Variants in MYH7B observed in about 807,000 individuals in gnomAD.
MYH7B encodes the protein myosin heavy chain 7B.
In MYH7B, 205 loss-of-function variants were observed where a neutral mutation model predicts 234.5. The ratio of observed to expected loss-of-function variants is 0.87; its 90% CI spans 0.78 to 0.98. The LOEUF (loss-of-function observed/expected upper bound fraction) is 0.98. Ranked by LOEUF, MYH7B falls within the 50% of genes least tolerant of loss-of-function variation. The probability of loss-of-function intolerance (pLI) is 0.00; values close to 1 mark genes in which losing one functional copy is unlikely to be tolerated. For synonymous variants in MYH7B, 1,193 were observed against 1,105.0 expected, an observed-to-expected ratio of 1.08 and a Z score of -1.58; for missense variants, 2,652 against 2,633.4, an observed-to-expected ratio of 1.01 and a Z score of -0.15.
intron 2 of MYH7B, among the ~76,000 whole-genome samples, chr20:34,964,544 C>T (rs375686534): frequency 6.6e-6 from 1 of 152,158 alleles, no homozygotes; most frequent in African/African-American, 2.4e-5. Context: ...TCTCTCTACC[C>T]AGGGAGAGGC....
rs771694952 is a variant in MYH7B, at chr20:34,977,991, C to T, written c.-15C>T. On this transcript the variant is annotated 5_prime_UTR_variant, in exon 5 of 45. Transcript: ENST00000262873. ...GGGTTTCCAGCTCCTCCTCCTTCAC[C>T]CCAGTGCCACTGCCATGATGGATGT... is the stretch of plus-strand genomic sequence containing the variant. The T allele has an allele frequency of 1.5e-4, 245 of 1,614,102 alleles. 1 individual carries two copies. In the Middle Eastern group the frequency reaches 3.0e-3, roughly 20 times the overall value.
exon 45 of MYH7B, chr20:35,002,264 C>T (rs1166476760): frequency 2.7e-6 from 4 of 1,468,576 alleles, no homozygotes; most frequent in Non-Finnish European, 3.6e-6. Context: ...CCCGATCCTG[C>T]CATCTCTGCA....
At chr20:34,996,240 C>T in intron 28 of MYH7B, 106 bp from the exon 29 acceptor site, 1 of 1,325,432 alleles carries the variant, frequency 7.5e-7, no homozygotes, top group Non-Finnish European at 1.0e-6. Flanking sequence ...AGTGACTTGC[C>T]TGAGTCCCAT....
At chr20:34,964,049 T>G (rs558292293) in intron 2 of MYH7B, among the ~76,000 whole-genome samples, 129 of 152,324 alleles carry the variant, frequency 8.5e-4, no homozygotes, top group African/African-American at 3.1e-3. Flanking sequence ...CTCTAGTATT[T>G]TATTACTATA....
exon 32 of MYH7B, chr20:34,997,574 G>A: frequency 6.2e-7 from 1 of 1,613,438 alleles, no homozygotes; most frequent in South Asian, 1.1e-5. Context: ...TGGAGAAGGA[G>A]AAGAGTGAGC....
At position 34,983,021 on chromosome 20, in the gene MYH7B, A is replaced by G. The variant is rs112445158; in HGVS notation, c.624+466A>G. On this transcript the variant is annotated intron_variant, in intron 10 of 44. Transcript: ENST00000262873. Reference sequence around the variant, plus strand: ...ATTTTGTGCCTTGTGATTTCTGTACAGTTTTTGGAAATTTCTGAAACAATG... The same window carrying G: ...ATTTTGTGCCTTGTGATTTCTGTACGGTTTTTGGAAATTTCTGAAACAATG... Among the ~76,000 whole-genome samples the G allele has an allele frequency of 5.0e-3, 755 of 152,166 alleles. 10 individuals carry two copies. Among genetic ancestry groups the G allele is most frequent in the African/African-American group, 0.018 (730 of 41,532 alleles).
intron 2 of MYH7B, among the ~76,000 whole-genome samples, chr20:34,973,170 C>T (rs2081808449): frequency 6.6e-6 from 1 of 152,204 alleles, no homozygotes; most frequent in African/African-American, 2.4e-5. Context: ...CCCCTTTATG[C>T]CCCAGTGGCC....
At chr20:34,979,917 TC>T (rs1489365162) in intron 7 of MYH7B, 113 bp downstream of exon 7, 3 of 1,138,930 alleles carry the variant, frequency 2.6e-6, no homozygotes, top group African/African-American at 1.7e-5. Context: ...GAGCGGTGGA[TC>T]GGGGCTGTGA....
chr20:34,992,395 A>C, intron 24 of MYH7B, among the ~76,000 whole-genome samples: 1 of 151,524 alleles, frequency 6.6e-6, no homozygotes, highest in Non-Finnish European at 1.5e-5. Context: ...CAAAAAAAAA[A>C]AAAAAAAAGA....
At chr20:34,987,657 G>A (rs757932346) in exon 17 of MYH7B, 18 of 1,613,704 alleles carry the variant, frequency 1.1e-5, no homozygotes, top group Non-Finnish European at 1.4e-5. Flanking sequence ...ACGTGACCAA[G>A]GGCCAGAGTG....
chr20:34,979,530 T>G, intron 6 of MYH7B, 34 bp downstream of exon 6: 1 of 1,600,690 alleles, frequency 6.2e-7, no homozygotes, highest in Non-Finnish European at 8.5e-7. Context: ...TTAGCCTCTC[T>G]GTCCCTAGGC....
At chr20:35,002,360 G>A in exon 45 of MYH7B, 2 of 691,858 alleles carry the variant, frequency 2.9e-6, no homozygotes, top group Non-Finnish European at 4.4e-6. Flanking sequence ...TGGGGTTCAG[G>A]AGGAAAAACA....
intron 12 of MYH7B, 40 bp from the exon 13 acceptor site, chr20:34,985,026 G>A (rs199636800): frequency 6.2e-7 from 1 of 1,612,904 alleles, no homozygotes; most frequent in East Asian, 2.2e-5. Flanking sequence ...GGACAGTGCT[G>A]GCTGTGCCCC....
exon 27 of MYH7B, chr20:34,994,278 G>A: frequency 6.2e-7 from 1 of 1,612,670 alleles, no homozygotes. Context: ...TGGCGGCCCT[G>A]CGGGCAGAGC....
chr20:34,999,761 C>G (rs759077013), intron 37 of MYH7B, 30 bp from the exon 38 acceptor site: 23 of 1,015,698 alleles, frequency 2.3e-5, no homozygotes, highest in Middle Eastern at 2.9e-4. Flanking sequence ...CCCCCCCCCC[C>G]ACCCTACCCT....
In MYH7B at chr20:34,956,698, A is replaced by G. The variant is rs116516603; in HGVS notation, c.-337+691A>G. ...ATGGATAGGAAGGTATAGGTAGTGA[A>G]GGAGGTAGGGGTAGAGGTGAGAGGC... is the stretch of plus-strand genomic sequence containing the variant. On this transcript the variant is annotated intron_variant, in intron 1 of 44. Coordinates refer to ENST00000262873, the Ensembl canonical transcript of MYH7B. Among the ~76,000 whole-genome samples, 679 of 152,258 alleles carry G rather than the reference A, an allele frequency of 4.5e-3. 9 individuals carry two copies. The highest frequency in any genetic ancestry group is 0.016 in the African/African-American group (658 of 41,548).
At chr20:34,987,194 T>G (rs1207438464) in exon 16 of MYH7B, 2 of 1,613,094 alleles carry the variant, frequency 1.2e-6, no homozygotes, top group Non-Finnish European at 1.7e-6. Flanking sequence ...GAAATGTGCC[T>G]GCTATAAGAT....
exon 20 of MYH7B, chr20:34,989,848 T>G: frequency 6.2e-7 from 1 of 1,614,134 alleles, no homozygotes; most frequent in Non-Finnish European, 8.5e-7. Flanking sequence ...GTCACCCAAT[T>G]TCCAGCAGCC....
At chr20:34,959,964 A>G (rs1204888723) in intron 2 of MYH7B, among the ~76,000 whole-genome samples, 1 of 152,162 alleles carries the variant, frequency 6.6e-6, no homozygotes, top group Non-Finnish European at 1.5e-5. Context: ...TTGAAGAGGT[A>G]TCCTGACTTG....
Sources: gnomAD v4.1 joint callset for allele counts (sites outside exome capture counted in the v4.1 genomes callset) on GRCh38, gnomAD v4.1.1 for gene constraint, MANE v1.5 for transcripts, NCBI Gene and HGNC (gene_info 2026-07-23, HGNC 2026-07-21) for gene names.